Variants in PLEKHG1 observed in about 807,000 individuals in gnomAD.
The protein encoded by PLEKHG1 is pleckstrin homology and RhoGEF domain containing G1, also known as pleckstrin homology domain-containing family G member 1.
Under a neutral mutation model 100.8 loss-of-function variants are expected in PLEKHG1, and 44 were observed. The observed-to-expected ratio is 0.44, with a 90% confidence interval of 0.34 to 0.56. The LOEUF (loss-of-function observed/expected upper bound fraction) is 0.56. Among genes scored for constraint, PLEKHG1 ranks in the 20% least tolerant of loss-of-function variants. PLEKHG1 has a pLI of 0.01. For synonymous variants in PLEKHG1, 640 were observed against 662.5 expected (o/e 0.97, Z 0.52); for missense variants, 1,545 against 1,720.9 (o/e 0.90, Z 1.81).
At chr6:150,642,412 C>T (rs1299878008) in intron 2 of PLEKHG1, among the ~76,000 whole-genome samples, 2 of 152,190 alleles carry the variant, frequency 1.3e-5, no homozygotes, top group African/African-American at 4.8e-5. Flanking sequence ...CAAAACCTTG[C>T]TAACTTTCAT....
At chr6:150,634,807 C>T (rs184240839) in intron 1 of PLEKHG1, among the ~76,000 whole-genome samples, 179 of 152,290 alleles carry the variant, frequency 1.2e-3, no homozygotes, top group African/African-American at 4.1e-3. Context: ...TCATCATTTT[C>T]ATGCTTGTGG....
At chr6:150,695,619 G>A (rs945056764) in intron 3 of PLEKHG1, among the ~76,000 whole-genome samples, 1 of 152,158 alleles carries the variant, frequency 6.6e-6, no homozygotes, top group African/African-American at 2.4e-5. Flanking sequence ...TTTCAAACGG[G>A]AACAATGGAA....
At chr6:150,812,116 A>AG (rs1239075790) in intron 10 of PLEKHG1, among the ~76,000 whole-genome samples, 1 of 152,100 alleles carries the variant, frequency 6.6e-6, no homozygotes, top group Non-Finnish European at 1.5e-5. Context: ...ACAGGCAGGG[A>AG]GAGGAACCTG....
At chr6:150,745,640 G>A (rs910560958) in intron 2 of PLEKHG1, among the ~76,000 whole-genome samples, 40 of 150,204 alleles carry the variant, frequency 2.7e-4, no homozygotes, top group Middle Eastern at 3.5e-3. Context: ...CCTAGATCAC[G>A]CCGCTGCACT....
At chr6:150,775,347 C>T (rs1338249237) in intron 3 of PLEKHG1, among the ~76,000 whole-genome samples, 1 of 152,154 alleles carries the variant, frequency 6.6e-6, no homozygotes, top group Admixed American at 6.5e-5. Flanking sequence ...AAGATCATTC[C>T]TCCATATTGA....
chr6:150,701,466 T>TATAAAAAA (rs1212311635), intron 3 of PLEKHG1, among the ~76,000 whole-genome samples: 1 of 84,240 alleles, frequency 1.2e-5, no homozygotes, highest in African/African-American at 1.2e-4. Context: ...TATATATATA[T>TATAAAAAA]AATTATACTT....
chr6:150,709,851 A>G (rs1781179544), intron 3 of PLEKHG1, among the ~76,000 whole-genome samples: 1 of 152,148 alleles, frequency 6.6e-6, no homozygotes, highest in Non-Finnish European at 1.5e-5. Context: ...CAGTGGTACA[A>G]CACAGCTCAC....
intron 1 of PLEKHG1, among the ~76,000 whole-genome samples, chr6:150,728,612 A>T (rs185664585): frequency 6.6e-6 from 1 of 151,604 alleles, no homozygotes; most frequent in East Asian, 1.9e-4. Flanking sequence ...AAATAAAAAA[A>T]GTAGGCCGGG....
chr6:150,606,763 G>A (rs759178847), intron 1 of PLEKHG1, among the ~76,000 whole-genome samples: 40 of 152,070 alleles, frequency 2.6e-4, no homozygotes, highest in Non-Finnish European at 1.6e-4. Flanking sequence ...ATGCATTCAT[G>A]CTGTTTTGAT....
intron 2 of PLEKHG1, 109 bp downstream of exon 3, chr6:150,734,201 A>G (rs187807314): frequency 6.5e-6 from 7 of 1,069,180 alleles, no homozygotes; most frequent in African/African-American, 1.6e-5. Flanking sequence ...GGCGGAAGGG[A>G]TGTGAATGTT....
exon 1 of PLEKHG1, chr6:150,721,125 G>T: frequency 1.0e-6 from 1 of 984,346 alleles, no homozygotes; most frequent in Non-Finnish European, 1.2e-6. Context: ...ACTAGCAAAG[G>T]CTGTTTCTTT....
chr6:150,768,594 A>G (rs1274110351), intron 2 of PLEKHG1, 44 bp from the exon 4 acceptor site: 4 of 1,010,176 alleles, frequency 4.0e-6, no homozygotes, highest in Non-Finnish European at 6.3e-6. Flanking sequence ...GATGACTTGG[A>G]AAGGACAGGA....
At chr6:150,821,324 A>G in intron 13 of PLEKHG1, 91 bp downstream of exon 14, 1 of 820,700 alleles carries the variant, frequency 1.2e-6, no homozygotes, top group East Asian at 2.5e-5. Context: ...GATAAATTAC[A>G]TATTGACAGA....
intron 3 of PLEKHG1, among the ~76,000 whole-genome samples, chr6:150,777,887 C>T (rs1430643684): frequency 3.3e-5 from 5 of 152,284 alleles, no homozygotes; most frequent in African/African-American, 9.6e-5. Context: ...TCTCCACCCC[C>T]GAGGCTGTAA....
intron 2 of PLEKHG1, among the ~76,000 whole-genome samples, chr6:150,735,406 G>A (rs542111685): frequency 6.6e-6 from 1 of 152,290 alleles, no homozygotes; most frequent in South Asian, 2.1e-4. Flanking sequence ...GTATGTTTCA[G>A]AGTACAGTAG....
chr6:150,797,041 A>G (rs1786377511), intron 5 of PLEKHG1, among the ~76,000 whole-genome samples: 4 of 151,926 alleles, frequency 2.6e-5, no homozygotes, highest in Admixed American at 2.6e-4. Flanking sequence ...CCCAGGCTGG[A>G]GTGCAGTGGC....
intron 6 of PLEKHG1, among the ~76,000 whole-genome samples, chr6:150,802,028 G>A (rs1211401149): frequency 6.6e-6 from 1 of 152,094 alleles, no homozygotes; most frequent in Non-Finnish European, 1.5e-5. Context: ...TTAATTCAGA[G>A]TTCCTCTCCA....
intron 14 of PLEKHG1, among the ~76,000 whole-genome samples, chr6:150,824,783 G>A (rs555070476): frequency 3.9e-5 from 6 of 152,308 alleles, no homozygotes; most frequent in African/African-American, 1.4e-4. Flanking sequence ...ACCCGTCTCA[G>A]CCTCCCAAAG....
intron 2 of PLEKHG1, among the ~76,000 whole-genome samples, chr6:150,741,086 C>A (rs1343365602): frequency 6.6e-6 from 1 of 152,156 alleles, no homozygotes; most frequent in African/African-American, 2.4e-5. Flanking sequence ...ATACTGCAAC[C>A]TGATCTGGGA....
Sources: allele counts gnomAD v4.1 joint callset (sites outside exome capture counted in the v4.1 genomes callset), GRCh38; gene constraint gnomAD v4.1.1; transcripts MANE v1.5; gene names NCBI Gene and HGNC (gene_info 2026-07-23, HGNC 2026-07-21).